Variants in ME1 observed in about 807,000 individuals in gnomAD.
The protein encoded by ME1 is malic enzyme 1.
Under a neutral mutation model 66.4 loss-of-function variants are expected in ME1, and 74 were observed. That is an observed-to-expected ratio of 1.11 (90% CI 0.92 to 1.35). The LOEUF (loss-of-function observed/expected upper bound fraction) is 1.35, where lower values mean the gene tolerates loss of function less well. Among genes scored for constraint, ME1 ranks in the 40% most tolerant of loss-of-function variants. The probability of loss-of-function intolerance (pLI) is 0.00; values close to 1 mark genes in which losing one functional copy is unlikely to be tolerated. For synonymous variants in ME1, 251 were observed against 235.6 expected (o/e 1.07, Z -0.60); for missense variants, 750 against 694.1 (o/e 1.08, Z -0.90).
chr6:83,250,898 C>T (rs1345195808), intron 7 of ME1, among the ~76,000 whole-genome samples: 5 of 152,120 alleles, frequency 3.3e-5, no homozygotes, highest in East Asian at 3.9e-4. Flanking sequence ...AGTGTCTATC[C>T]CAGACTTAAT....
intron 4 of ME1, among the ~76,000 whole-genome samples, chr6:83,349,133 GAGA>G (rs952240697): frequency 6.6e-6 from 1 of 150,972 alleles, no homozygotes; most frequent in Non-Finnish European, 1.5e-5. Flanking sequence ...GTAGTAGTTT[GAGA>G]AGTTTTTAAA....
At chr6:83,277,715 A>G (rs1767209459) in intron 6 of ME1, among the ~76,000 whole-genome samples, 1 of 152,034 alleles carries the variant, frequency 6.6e-6, no homozygotes, top group Non-Finnish European at 1.5e-5. Flanking sequence ...CAGCCTGGCC[A>G]ACATGGTGAA....
rs752659450 is a variant in ME1, at chr6:83,374,007, T to C, written c.363-21868A>G. Among the ~76,000 whole-genome samples the C allele has an allele frequency of 2.0e-5, 3 of 152,198 alleles. No individual in the cohort carries two copies. The South Asian group carries it at 6.2e-4, about 32-fold the overall frequency. On this transcript the variant is annotated intron_variant, in intron 3 of 13. Transcript: ENST00000369705. ...TACCACATTTTCATTATCCAGTCTA[T>C]CATTGATGACCATTTGGGTTGGGTC...
intron 1 of ME1, among the ~76,000 whole-genome samples, chr6:83,423,688 G>A (rs928442647): frequency 6.6e-6 from 1 of 151,958 alleles, no homozygotes; most frequent in Non-Finnish European, 1.5e-5. Flanking sequence ...AGTCCCAGAT[G>A]CTCAGGAAGC....
intron 3 of ME1, among the ~76,000 whole-genome samples, chr6:83,388,091 C>CTTTCTTTTTTTTTTTTTTTT (rs71545856): frequency 7.5e-6 from 1 of 133,394 alleles, no homozygotes; most frequent in African/African-American, 2.8e-5. Flanking sequence ...TCCTTCCTTC[C>CTTTCTTTTTTTTTTTTTTTT]TTTTTTTTTT....
intron 6 of ME1, among the ~76,000 whole-genome samples, chr6:83,280,436 A>G (rs949758495): frequency 2.0e-5 from 3 of 152,192 alleles, no homozygotes; most frequent in Admixed American, 6.5e-5. Flanking sequence ...TTATAAATGT[A>G]TACTATAAAC....
rs1311160418 is a variant in ME1, at chr6:83,315,361, C to T, written c.653G>A (p.Gly218Asp). Residue 218 changes from glycine (G) to aspartate (D), a missense_variant, in exon 6 of 14, where the codon GGT becomes GAT. Gly to Asp is a moderately conservative substitution (Grantham distance 94). Coordinates refer to ENST00000369705, the MANE Select transcript of ME1 (RefSeq NM_002395.6). ...YIGLRQRRVR[G>D]SEYDDFLDEF... ...GTCCAAAAAATCATCATATTCAGAA[C>T]CTCTTACTCTTCTCTGCCGTAGTCC... is the stretch of plus-strand genomic sequence containing the variant. The T allele has an allele frequency of 1.2e-6, 2 of 1,612,616 alleles. No individual in the cohort carries two copies. The highest frequency in any genetic ancestry group is 2.2e-5 in the South Asian group (2 of 90,762).
intron 5 of ME1, among the ~76,000 whole-genome samples, chr6:83,327,777 C>T (rs1272963030): frequency 2.0e-5 from 3 of 152,206 alleles, no homozygotes; most frequent in Middle Eastern, 3.4e-3. Context: ...ATACTCCCTC[C>T]CCTTTTGAAA....
At chr6:83,252,762 G>T (rs952086198) in intron 7 of ME1, among the ~76,000 whole-genome samples, 8 of 152,104 alleles carry the variant, frequency 5.3e-5, no homozygotes, top group Non-Finnish European at 7.3e-5. Flanking sequence ...GAAGTGTTTT[G>T]TCATTTAATA....
intron 5 of ME1, among the ~76,000 whole-genome samples, chr6:83,340,075 T>C (rs1298963264): frequency 6.6e-5 from 10 of 152,200 alleles, no homozygotes. Context: ...TTTAACTGGT[T>C]ATTACAAGTA....
chr6:83,285,861 G>A (rs1767387410), intron 6 of ME1, among the ~76,000 whole-genome samples: 1 of 152,160 alleles, frequency 6.6e-6, no homozygotes, highest in African/African-American at 2.4e-5. Context: ...TAGGAAAAGA[G>A]GCGAATGCAT....
At chr6:83,415,807 T>C (rs1770148803) in intron 1 of ME1, among the ~76,000 whole-genome samples, 1 of 152,214 alleles carries the variant, frequency 6.6e-6, no homozygotes. Flanking sequence ...TATATCTACA[T>C]ATCAGCATAA....
chr6:83,373,398 G>A (rs1237622212), intron 3 of ME1, among the ~76,000 whole-genome samples: 2 of 152,042 alleles, frequency 1.3e-5, no homozygotes, highest in African/African-American at 4.8e-5. Context: ...AACAAGCCCA[G>A]CTAATTTTGT....
intron 2 of ME1, among the ~76,000 whole-genome samples, chr6:83,403,071 T>G (rs1769866779): frequency 6.6e-6 from 1 of 152,228 alleles, no homozygotes; most frequent in East Asian, 1.9e-4. Context: ...ACTGCTAACA[T>G]TACATCATAG....
intron 9 of ME1, among the ~76,000 whole-genome samples, chr6:83,232,177 T>C (rs1790320635): frequency 6.6e-6 from 1 of 152,184 alleles, no homozygotes; most frequent in Non-Finnish European, 1.5e-5. Flanking sequence ...AAGCCCCAGT[T>C]GGACTACCTA....
Position 83,264,113 on chromosome 6 carries a change from C to T in ME1, c.705-10375G>A, listed in dbSNP as rs533301198. Among the ~76,000 whole-genome samples, 123 of 152,264 alleles carry T rather than the reference C, an allele frequency of 8.1e-4. 5 individuals carry two copies. The South Asian group carries it at 0.024, about 30-fold the overall frequency. On this transcript the variant is annotated intron_variant, in intron 6 of 13. Transcript: ENST00000369705. ...TTAATCTGAAGCCAATGCTCATTCA[C>T]CATTTTGAAAAACATAGGTCCCTTA...
intron 1 of ME1, among the ~76,000 whole-genome samples, chr6:83,416,726 CA>C (rs202204910): frequency 6.7e-6 from 1 of 149,982 alleles, no homozygotes; most frequent in African/African-American, 2.4e-5. Flanking sequence ...CCCATCTCTA[CA>C]AAAAAAAAGT....
chr6:83,404,631 T>C (rs963244852), intron 2 of ME1, among the ~76,000 whole-genome samples: 2 of 152,224 alleles, frequency 1.3e-5, no homozygotes, highest in African/African-American at 4.8e-5. Flanking sequence ...AGGGTTTTTA[T>C]GGTTTTAGGT....
chr6:83,246,703 A>T (rs1322610723), intron 7 of ME1, among the ~76,000 whole-genome samples: 1 of 152,114 alleles, frequency 6.6e-6, no homozygotes, highest in Non-Finnish European at 1.5e-5. Context: ...TTTAATTTGC[A>T]CATCACTATT....
Sources: gnomAD v4.1 joint callset for allele counts (sites outside exome capture counted in the v4.1 genomes callset) on GRCh38, gnomAD v4.1.1 for gene constraint, MANE v1.5 for transcripts, NCBI Gene and HGNC (gene_info 2026-07-23, HGNC 2026-07-21) for gene names.